Variants in SIPA1L1 observed in about 807,000 individuals in gnomAD.
SIPA1L1 encodes the protein signal induced proliferation associated 1 like 1, also known as signal-induced proliferation-associated 1-like protein 1.
In SIPA1L1, 26 loss-of-function variants were observed where a neutral mutation model predicts 162.7. The observed-to-expected ratio is 0.16, with a 90% CI of 0.12 to 0.22. The LOEUF (loss-of-function observed/expected upper bound fraction) is 0.22, where lower values mean the gene tolerates loss of function less well. Among genes scored for constraint, SIPA1L1 ranks in the 10% least tolerant of loss-of-function variants. The probability of loss-of-function intolerance (pLI) is 1.00; values close to 1 mark genes in which losing one functional copy is unlikely to be tolerated. For synonymous variants in SIPA1L1, 829 were observed against 837.4 expected (o/e 0.99, Z 0.17); for missense variants, 1,874 against 2,241.0 (o/e 0.84, Z 3.31).
chr14:71,675,728 G>C (rs574928513), intron 12 of SIPA1L1, among the ~76,000 whole-genome samples: 3 of 152,116 alleles, frequency 2.0e-5, no homozygotes, highest in Non-Finnish European at 2.9e-5. Context: ...CAGCTGCAGC[G>C]AGAGGCAGGA....
At chr14:71,511,592 G>A (rs890494173) in intron 2 of SIPA1L1, among the ~76,000 whole-genome samples, 16 of 152,134 alleles carry the variant, frequency 1.1e-4, no homozygotes, top group African/African-American at 3.9e-4. Flanking sequence ...CCTGGCAGGA[G>A]CATCTTTTGT....
chr14:71,391,652 T>G (rs1282587723), intron 2 of SIPA1L1, among the ~76,000 whole-genome samples: 2 of 152,206 alleles, frequency 1.3e-5, no homozygotes, highest in Non-Finnish European at 2.9e-5. Context: ...GAACTTAATG[T>G]GCCTATGGTA....
At chr14:71,636,436 A>G (rs1438151391) in intron 7 of SIPA1L1, among the ~76,000 whole-genome samples, 1 of 152,246 alleles carries the variant, frequency 6.6e-6, no homozygotes, top group Non-Finnish European at 1.5e-5. Context: ...ACAGATTTCT[A>G]AGTAACCAGT....
intron 2 of SIPA1L1, among the ~76,000 whole-genome samples, chr14:71,495,158 T>G (rs1297838586): frequency 1.3e-5 from 2 of 152,214 alleles, no homozygotes; most frequent in South Asian, 2.1e-4. Context: ...CTGGGAAGTG[T>G]TGTCTCTTTC....
chr14:71,538,503 G>A (rs910103957), intron 4 of SIPA1L1, among the ~76,000 whole-genome samples: 4 of 152,276 alleles, frequency 2.6e-5, no homozygotes, highest in Middle Eastern at 3.4e-3. Context: ...ACTCCTGAGT[G>A]TGTCTCTTCT....
At chr14:71,410,448 C>A (rs2042322802) in intron 2 of SIPA1L1, among the ~76,000 whole-genome samples, 1 of 152,228 alleles carries the variant, frequency 6.6e-6, no homozygotes, top group South Asian at 2.1e-4. Flanking sequence ...GAATGGTTGG[C>A]CCCTAAACGT....
intron 7 of SIPA1L1, among the ~76,000 whole-genome samples, chr14:71,647,811 C>G (rs998844811): frequency 6.6e-6 from 1 of 152,186 alleles, no homozygotes; most frequent in Non-Finnish European, 1.5e-5. Flanking sequence ...GCGTTCCCTT[C>G]TAAGCATTAG....
At chr14:71,486,658 C>T (rs1268389509) in intron 2 of SIPA1L1, among the ~76,000 whole-genome samples, 5 of 152,176 alleles carry the variant, frequency 3.3e-5, no homozygotes. Flanking sequence ...ATGAATCTGC[C>T]TAACCATCTT....
chr14:71,587,829 G>C lies in SIPA1L1; in HGVS notation c.-44G>C. ...AAGTGCACATTTAAAACACAGATAT[G>C]ATGGTCCTTGCTGCAGGGATTTAAG... On this transcript the variant is annotated 5_prime_UTR_variant, in exon 5 of 24. It removes an upstream start codon present in the reference 5' UTR. Coordinates refer to ENST00000381232, the MANE Select transcript of SIPA1L1 (RefSeq NM_001386936.1). 1 of 1,551,380 alleles carries C rather than the reference G, an allele frequency of 6.4e-7. No individual in the cohort carries two copies. Among genetic ancestry groups the C allele is most frequent in the Non-Finnish European group, 8.8e-7 (1 of 1,140,382 alleles).
At chr14:71,609,376 A>G (rs531542366) in intron 5 of SIPA1L1, among the ~76,000 whole-genome samples, 1 of 151,606 alleles carries the variant, frequency 6.6e-6, no homozygotes, top group Non-Finnish European at 1.5e-5. Context: ...TCAAGTGCTC[A>G]TCACACCTCA....
At chr14:71,625,711 C>A (rs566138872) in intron 7 of SIPA1L1, among the ~76,000 whole-genome samples, 58 of 152,212 alleles carry the variant, frequency 3.8e-4, no homozygotes, top group Non-Finnish European at 5.9e-4. Flanking sequence ...ATGTTTAGGT[C>A]CAACTTTATT....
chr14:71,452,079 T>C (rs2045869584), intron 2 of SIPA1L1, among the ~76,000 whole-genome samples: 1 of 152,200 alleles, frequency 6.6e-6, no homozygotes, highest in Non-Finnish European at 1.5e-5. Flanking sequence ...TCCTACGTTT[T>C]CACCTTTGAT....
intron 2 of SIPA1L1, among the ~76,000 whole-genome samples, chr14:71,381,660 A>C (rs974322513): frequency 1.3e-5 from 2 of 152,178 alleles, no homozygotes; most frequent in Non-Finnish European, 2.9e-5. Flanking sequence ...GAAATATTCA[A>C]AATAATCTTT....
At chr14:71,471,150 G>A (rs1351268449) in intron 2 of SIPA1L1, among the ~76,000 whole-genome samples, 5 of 151,258 alleles carry the variant, frequency 3.3e-5, no homozygotes, top group African/African-American at 7.3e-5. Context: ...GGCCTCAGAG[G>A]TTTTTTTAGG....
chr14:71,338,688 AG>A (rs1193749015), intron 2 of SIPA1L1, among the ~76,000 whole-genome samples: 1 of 152,120 alleles, frequency 6.6e-6, no homozygotes, highest in Admixed American at 6.6e-5. Context: ...TTTAGTCCTG[AG>A]ATCCTATGAG....
chr14:71,415,512 A>G (rs2042694088), intron 2 of SIPA1L1, among the ~76,000 whole-genome samples: 1 of 152,210 alleles, frequency 6.6e-6, no homozygotes, highest in Non-Finnish European at 1.5e-5. Flanking sequence ...GCCTGCAGGA[A>G]TGCTCTGTGA....
chr14:71,487,270 TTAGTG>T (rs1363585594), intron 2 of SIPA1L1, among the ~76,000 whole-genome samples: 7 of 152,162 alleles, frequency 4.6e-5, no homozygotes, highest in African/African-American at 1.7e-4. Context: ...CCTGGCTGGT[TTAGTG>T]GCTTAGGTGT....
intron 2 of SIPA1L1, among the ~76,000 whole-genome samples, chr14:71,469,820 A>G (rs2047310154): frequency 6.6e-6 from 1 of 152,234 alleles, no homozygotes; most frequent in Admixed American, 6.5e-5. Context: ...TGTTTCCAAT[A>G]AAAACAAACA....
At chr14:71,673,999 G>A (rs2044805468) in intron 12 of SIPA1L1, among the ~76,000 whole-genome samples, 1 of 152,206 alleles carries the variant, frequency 6.6e-6, no homozygotes, top group African/African-American at 2.4e-5. Flanking sequence ...CTCCAGTCTT[G>A]CTGCATTCCT....
Sources: gnomAD v4.1 joint callset for allele counts (sites outside exome capture counted in the v4.1 genomes callset) on GRCh38, gnomAD v4.1.1 for gene constraint, MANE v1.5 for transcripts, NCBI Gene and HGNC (gene_info 2026-07-23, HGNC 2026-07-21) for gene names.